RHOBTB1: variants seen among roughly 807,000 people sequenced by gnomAD.
RHOBTB1 encodes the protein Rho related BTB domain containing 1.
RHOBTB1 carries 40 observed loss-of-function variants against 71.6 expected under a neutral mutation model. The observed-to-expected ratio is 0.56, with a 90% CI of 0.43 to 0.73. The LOEUF (loss-of-function observed/expected upper bound fraction) is 0.73, where lower values mean the gene tolerates loss of function less well. RHOBTB1 is among the 30% of genes least tolerant of loss of function. RHOBTB1 has a pLI of 0.00. For synonymous variants in RHOBTB1, 319 were observed against 334.9 expected, an observed-to-expected ratio of 0.95 and a Z score of 0.52; for missense variants, 797 against 894.0, an observed-to-expected ratio of 0.89 and a Z score of 1.38.
At chr10:60,937,903 T>C (rs554692922) in intron 2 of RHOBTB1, among the ~76,000 whole-genome samples, 1 of 152,312 alleles carries the variant, frequency 6.6e-6, no homozygotes, top group East Asian at 1.9e-4. Flanking sequence ...TACTATGTGC[T>C]TTACATGCAT....
chr10:60,935,439 T>C (rs2134064621), intron 2 of RHOBTB1, among the ~76,000 whole-genome samples: 1 of 152,278 alleles, frequency 6.6e-6, no homozygotes, highest in South Asian at 2.1e-4. Flanking sequence ...TTTTGTTATA[T>C]ACTGATAATT....
chr10:60,942,893 C>A (rs991866179), intron 1 of RHOBTB1, among the ~76,000 whole-genome samples: 1 of 149,452 alleles, frequency 6.7e-6, no homozygotes, highest in African/African-American at 2.5e-5. Context: ...TATGTTAGTG[C>A]AGAACGTACA....
Position 60,901,145 on chromosome 10 carries a change from C to G in RHOBTB1, c.297-8150G>C, listed in dbSNP as rs1183414547. Among the ~76,000 whole-genome samples the G allele has an allele frequency of 2.6e-5, 4 of 152,250 alleles. No homozygotes were observed. In the East Asian group the frequency reaches 7.7e-4, roughly 29 times the overall value. Reference sequence around the variant, plus strand: ...ACAAGCAAATCACTAAAAGCATAGTCAAGATGATACATTGAAAAAAGAATT... The same window carrying G: ...ACAAGCAAATCACTAAAAGCATAGTGAAGATGATACATTGAAAAAAGAATT... On this transcript the variant is annotated intron_variant, in intron 4 of 10. Coordinates refer to ENST00000337910, the MANE Select transcript of RHOBTB1 (RefSeq NM_014836.5).
In RHOBTB1 at chr10:60,877,631, G is replaced by A. The variant is rs527688857; in HGVS notation, c.1726+277C>T. ...CTGGGGTGCACAAATGATTCAGCAT[G>A]CATACAGCGTGTGCCTCAAGGGCAG... is the stretch of plus-strand genomic sequence containing the variant. On this transcript the variant is annotated intron_variant, in intron 8 of 10. Transcript: ENST00000337910. Among the ~76,000 whole-genome samples the A allele has an allele frequency of 3.9e-5, 6 of 152,190 alleles. No individual in the cohort carries two copies. The East Asian group carries it at 1.2e-3, about 29-fold the overall frequency.
intron 2 of RHOBTB1, among the ~76,000 whole-genome samples, chr10:60,959,817 T>C (rs977191106): frequency 6.6e-6 from 1 of 152,200 alleles, no homozygotes; most frequent in Non-Finnish European, 1.5e-5. Flanking sequence ...ATCTAAGTGA[T>C]CTGTGCCTCA....
At chr10:60,902,970 T>C (rs1293377665) in intron 4 of RHOBTB1, among the ~76,000 whole-genome samples, 1 of 152,108 alleles carries the variant, frequency 6.6e-6, no homozygotes, top group African/African-American at 2.4e-5. Context: ...TATACTAGGA[T>C]AATAGGATAA....
At chr10:60,898,458 A>C (rs1488457816) in intron 4 of RHOBTB1, among the ~76,000 whole-genome samples, 2 of 152,182 alleles carry the variant, frequency 1.3e-5, no homozygotes, top group Non-Finnish European at 2.9e-5. Context: ...TGGCTTTGGA[A>C]AATTTTAGTA....
intron 2 of RHOBTB1, among the ~76,000 whole-genome samples, chr10:60,938,685 C>T (rs1172817470): frequency 6.6e-6 from 1 of 152,138 alleles, no homozygotes; most frequent in Non-Finnish European, 1.5e-5. Context: ...CCGACATCTG[C>T]AAGAGTAACC....
rs756892181 is a variant in RHOBTB1, at chr10:60,877,926, G to A, written c.1708C>T (p.His570Tyr). 1.2e-6 allele frequency: 2 copies of A among 1,613,918 alleles called. No individual in the cohort carries two copies. Among genetic ancestry groups the A allele is most frequent in the Non-Finnish European group, 8.5e-7 (1 of 1,179,912 alleles). The change falls in exon 8 of 11, where the codon CAC becomes TAC. Residue 570 changes from histidine to tyrosine, a missense_variant. Coordinates refer to ENST00000337910, the MANE Select transcript of RHOBTB1 (RefSeq NM_014836.5). ...IALANRFCLP[H>Y]LVALAEQHAV... is the part of the protein sequence containing the mutation. The stretch of plus-strand genomic sequence containing the variant: ...TCCTTACCTGCAAGTGCAACCAAGT[G>A]TGGCAGGCAAAATCTGTTTGCCAAG...
chr10:60,910,868 T>C lies in RHOBTB1; in HGVS notation c.296+19A>G. 1 of 1,571,638 alleles carries C rather than the reference T, an allele frequency of 6.4e-7. No homozygotes were observed. The highest frequency in any genetic ancestry group is 8.8e-7 in the Non-Finnish European group (1 of 1,141,418). ...AAATTGCATTCAAGCTCAACCACGCTGTACTAGTCTTGGTTTACCTGCCAT... is the reference window on the plus strand; with the variant it reads ...AAATTGCATTCAAGCTCAACCACGCCGTACTAGTCTTGGTTTACCTGCCAT... On this transcript the variant is annotated intron_variant, in intron 4 of 10. Coordinates refer to ENST00000337910, the MANE Select transcript of RHOBTB1 (RefSeq NM_014836.5).
At chr10:60,887,111 C>A (rs1309269615) in intron 6 of RHOBTB1, among the ~76,000 whole-genome samples, 2 of 151,112 alleles carry the variant, frequency 1.3e-5, no homozygotes, top group Non-Finnish European at 2.9e-5. Context: ...GAGACTCCCA[C>A]ATTGTATTTG....
intron 4 of RHOBTB1, among the ~76,000 whole-genome samples, chr10:60,898,833 C>A (rs191943313): frequency 6.6e-6 from 1 of 152,254 alleles, no homozygotes; most frequent in East Asian, 1.9e-4. Flanking sequence ...ACCAGTCTTC[C>A]ACCACCCTCT....
At chr10:60,950,874 C>A (rs779581261) in intron 2 of RHOBTB1, among the ~76,000 whole-genome samples, 1 of 152,102 alleles carries the variant, frequency 6.6e-6, no homozygotes, top group Admixed American at 6.5e-5. Context: ...AAGTATTATA[C>A]ATAAAAGCTT....
intron 1 of RHOBTB1, among the ~76,000 whole-genome samples, chr10:60,987,233 T>C (rs1416009625): frequency 6.6e-6 from 1 of 152,224 alleles, no homozygotes; most frequent in Admixed American, 6.5e-5. Context: ...CTCCCCTGAA[T>C]TTTCTTCTTC....
chr10:60,913,072 T>C lies in RHOBTB1; in HGVS notation c.-10-1520A>G, dbSNP rs539373780. 1.7e-4 allele frequency: 26 copies of C among 152,280 alleles called. 1 individual carries two copies. The highest frequency in any genetic ancestry group is 1.9e-4 in the East Asian group (1 of 5,192). The allele number at this position is 152,280 out of a possible 1,614,324, so 9.4% of individuals were successfully genotyped here. A position where few individuals can be genotyped will look rare whatever the true frequency, so the allele number is the denominator to read the frequency against. On this transcript the variant is annotated intron_variant, in intron 2 of 10. Coordinates refer to ENST00000337910, the MANE Select transcript of RHOBTB1 (RefSeq NM_014836.5). ...TCAAGTGTTTGTTTAATTCATCTGA[T>C]TGAGAAAAATGATAACTTGGATAAT...
At chr10:60,893,063 C>T in intron 4 of RHOBTB1, 68 bp from the exon 5 acceptor site, 1 of 1,159,214 alleles carries the variant, frequency 8.6e-7, no homozygotes, top group Non-Finnish European at 1.2e-6. Context: ...CATTATGGTT[C>T]CTCTCAAACC....
upstream of RHOBTB1, among the ~76,000 whole-genome samples, chr10:60,945,572 T>G (rs182869581): frequency 8.5e-5 from 13 of 152,324 alleles, no homozygotes; most frequent in East Asian, 2.5e-3. Flanking sequence ...CAGCCAAGAT[T>G]CCCAGGTGAC....
At chr10:60,998,017 T>G (rs1307334369) in intron 1 of RHOBTB1, among the ~76,000 whole-genome samples, 1 of 152,260 alleles carries the variant, frequency 6.6e-6, no homozygotes, top group Non-Finnish European at 1.5e-5. Context: ...GACTATTAGC[T>G]GATCTCTAAG....
chr10:60,948,934 A>G (rs962522176), upstream of RHOBTB1, among the ~76,000 whole-genome samples: 1 of 152,216 alleles, frequency 6.6e-6, no homozygotes, highest in Non-Finnish European at 1.5e-5. Context: ...ACTGGCCTTT[A>G]GCAGTGGTTT....
Sources: allele counts gnomAD v4.1 joint callset (sites outside exome capture counted in the v4.1 genomes callset), GRCh38; gene constraint gnomAD v4.1.1; transcripts MANE v1.5; gene names NCBI Gene and HGNC (gene_info 2026-07-23, HGNC 2026-07-21).